The following UQCC1 variants were observed in gnomAD, a reference collection of about 807,000 sequenced individuals.
UQCC1 encodes the protein bFGF-repressed Zic-binding protein.
A neutral mutation model predicts 48.0 loss-of-function variants in UQCC1; 38 were observed. The observed-to-expected ratio is 0.79, with a 90% CI of 0.61 to 1.04. UQCC1 has a LOEUF of 1.04. UQCC1 is among the 50% of genes least tolerant of loss of function. UQCC1 has a pLI of 0.00. For synonymous variants in UQCC1, 111 were observed against 129.2 expected (o/e 0.86, Z 0.95); for missense variants, 368 against 381.8 (o/e 0.96, Z 0.30).
At chr20:35,338,874 A>AT (rs1568666053) in intron 7 of UQCC1, among the ~76,000 whole-genome samples, 2 of 58,432 alleles carry the variant, frequency 3.4e-5, no homozygotes, top group African/African-American at 2.1e-4. Context: ...AAAAAAAAAA[A>AT]AAAAAAAAAA....
At chr20:35,315,520 G>C (rs2061047534) in intron 7 of UQCC1, 1 of 152,356 alleles carries the variant, frequency 6.6e-6, no homozygotes, top group Admixed American at 6.5e-5. Context: ...TGAGGAAAAA[G>C]GGGGGCCTCT....
chr20:35,323,215 A>C (rs1025726040), intron 7 of UQCC1, among the ~76,000 whole-genome samples: 10 of 152,240 alleles, frequency 6.6e-5, no homozygotes, highest in African/African-American at 2.4e-4. Flanking sequence ...AAATGGAAGA[A>C]TCACACAAGC....
At chr20:35,366,119 T>C (rs1007989825) in intron 6 of UQCC1, among the ~76,000 whole-genome samples, 3 of 152,226 alleles carry the variant, frequency 2.0e-5, no homozygotes, top group Non-Finnish European at 2.9e-5. Flanking sequence ...AGCTAACTTG[T>C]ATGCACATTT....
chr20:35,398,763 G>C (rs1886693), intron 1 of UQCC1, among the ~76,000 whole-genome samples: 70,413 of 129,606 alleles, frequency 0.54, 21,858 homozygotes, highest in East Asian at 0.74. Flanking sequence ...TGGGGGGGGG[G>C]GGGGGGCGGT....
At chr20:35,337,747 G>T (rs931096261) in intron 7 of UQCC1, among the ~76,000 whole-genome samples, 1 of 152,196 alleles carries the variant, frequency 6.6e-6, no homozygotes, top group Non-Finnish European at 1.5e-5. Flanking sequence ...GTAAAGACTA[G>T]TTTTAACTTC....
chr20:35,343,337 A>G (rs2061401145), intron 7 of UQCC1, among the ~76,000 whole-genome samples: 1 of 152,136 alleles, frequency 6.6e-6, no homozygotes, highest in Non-Finnish European at 1.5e-5. Context: ...AGCACAGAAG[A>G]GGAAAGATTT....
rs773285135 is a variant in UQCC1, at chr20:35,304,020, T to C, written c.815A>G (p.Glu272Gly). 7 of 1,613,988 alleles carry C rather than the reference T, an allele frequency of 4.3e-6. No homozygotes were observed. The highest frequency in any genetic ancestry group is 5.9e-6 in the Non-Finnish European group (7 of 1,179,978). Residue 272 changes from glutamate (E) to glycine (G), a missense_variant, in exon 10 of 10, where the codon GAG becomes GGG. By Grantham distance (98) the Glu-to-Gly change is moderately conservative. Transcript: ENST00000374385. ...MNGEDLLLTGEVSWRPLVEKN... is the reference protein window; with the variant it reads ...MNGEDLLLTGGVSWRPLVEKN... ...CTCCACTAGAGGGCGCCAGCTCACC[T>C]CCCCTGTCAGAAGCAGATCCTCCCC...
chr20:35,350,506 G>A (rs2061479177), intron 6 of UQCC1, among the ~76,000 whole-genome samples: 1 of 151,846 alleles, frequency 6.6e-6, no homozygotes, highest in African/African-American at 2.4e-5. Context: ...AGACCAACCT[G>A]TCCAACATGG....
At chr20:35,364,267 C>T (rs1452322240) in intron 6 of UQCC1, among the ~76,000 whole-genome samples, 1 of 152,260 alleles carries the variant, frequency 6.6e-6, no homozygotes, top group East Asian at 1.9e-4. Context: ...CAACACTCCA[C>T]CCCATCACCA....
intron 1 of UQCC1, among the ~76,000 whole-genome samples, chr20:35,403,508 T>C (rs544581881): frequency 1.2e-4 from 18 of 152,274 alleles, no homozygotes; most frequent in African/African-American, 4.1e-4. Flanking sequence ...GGGGATGATG[T>C]TCATCAAAGC....
intron 8 of UQCC1, 114 bp downstream of exon 8, chr20:35,314,574 C>T (rs570584208): frequency 1.2e-5 from 9 of 753,428 alleles, no homozygotes; most frequent in African/African-American, 8.7e-5. Context: ...ATAAATACTA[C>T]GCCATGGTGG....
chr20:35,393,339 G>A (rs888260759), intron 2 of UQCC1, among the ~76,000 whole-genome samples: 1 of 151,872 alleles, frequency 6.6e-6, no homozygotes, highest in African/African-American at 2.4e-5. Flanking sequence ...AATATTATAT[G>A]GTCATTAAAT....
intron 1 of UQCC1, among the ~76,000 whole-genome samples, chr20:35,411,233 G>A (rs1313002173): frequency 6.6e-6 from 1 of 152,136 alleles, no homozygotes; most frequent in Non-Finnish European, 1.5e-5. Context: ...TATGCTAGAA[G>A]GGTCAGGACT....
At chr20:35,313,115 G>A (rs1236907350) in intron 8 of UQCC1, among the ~76,000 whole-genome samples, 3 of 152,070 alleles carry the variant, frequency 2.0e-5, no homozygotes, top group African/African-American at 4.8e-5. Context: ...GGTGGCTCAC[G>A]CCTGTAATCC....
intron 6 of UQCC1, 28 bp from the exon 7 acceptor site, chr20:35,347,300 T>C: frequency 6.2e-7 from 1 of 1,611,228 alleles, no homozygotes; most frequent in Non-Finnish European, 8.5e-7. Flanking sequence ...AAAAAAAGTC[T>C]TGGCTGTTTG....
At chr20:35,359,887 A>G (rs939723062) in intron 6 of UQCC1, among the ~76,000 whole-genome samples, 1 of 152,030 alleles carries the variant, frequency 6.6e-6, no homozygotes, top group Non-Finnish European at 1.5e-5. Flanking sequence ...GGCTATCTCC[A>G]CCTGGTTTCC....
At chr20:35,314,541 G>T in intron 8 of UQCC1, 147 bp downstream of exon 8, 1 of 540,104 alleles carries the variant, frequency 1.9e-6, no homozygotes. Flanking sequence ...CATTCTCGCT[G>T]CCCAGTTGAT....
rs778923774 is a variant in UQCC1 at position 35,394,093 on chromosome 20, T to TGGCACTTAGCCA, written c.127_128insTGGCTAAGTGCC (p.Ser42_Gln43insLeuAlaLysCys). 6.2e-7 allele frequency: 1 copy of TGGCACTTAGCCA among 1,612,850 alleles called. No homozygotes were observed. The highest frequency in any genetic ancestry group is 1.7e-5 in the Admixed American group (1 of 60,012). On this transcript the variant is annotated inframe_insertion and splice_region_variant, in exon 2 of 10. Coordinates refer to ENST00000374385, the MANE Select transcript of UQCC1 (RefSeq NM_018244.5). ...AAGCAAAAGAACAACAAATCTTACC[T>TGGCACTTAGCCA]GGGAAGTGCGAGACAGAGCCCTGTC...
At position 35,347,179 on chromosome 20, in the gene UQCC1, G is replaced by A. The variant is rs370826751; in HGVS notation, c.558C>T (p.Arg186=). Residue 186 remains arginine, a synonymous_variant, in exon 7 of 10, where the codon CGC becomes CGT. Transcript: ENST00000374385. ...ACTCACTTACCCCCATGACTCTGCC[G>A]CGCTGCTGAACATCCTCCCACATAA... is the stretch of plus-strand genomic sequence containing the variant. The part of the protein sequence containing the change: ...VHFMWEDVQQ[R]GRVMGVNPYI... 6.2e-5 allele frequency: 100 copies of A among 1,614,000 alleles called. No individual in the cohort carries two copies. The highest frequency in any genetic ancestry group is 5.3e-4 in the African/African-American group (40 of 74,892).
Sources: allele counts gnomAD v4.1 joint callset (sites outside exome capture counted in the v4.1 genomes callset), GRCh38; gene constraint gnomAD v4.1.1; transcripts MANE v1.5; gene names NCBI Gene and HGNC (gene_info 2026-07-23, HGNC 2026-07-21).